Variants in SNX9 observed in about 807,000 individuals in gnomAD.
SNX9 encodes the protein sorting nexin-9.
In SNX9, 44 loss-of-function variants were observed where a neutral mutation model predicts 89.4. The ratio of observed to expected loss-of-function variants is 0.49; its 90% confidence interval spans 0.39 to 0.63. The LOEUF (loss-of-function observed/expected upper bound fraction) is 0.63. SNX9 is among the 30% of genes least tolerant of loss of function. SNX9 has a pLI of 0.00. For synonymous variants in SNX9, 236 were observed against 247.8 expected (o/e 0.95, Z 0.45); for missense variants, 578 against 736.1 (o/e 0.79, Z 2.49).
At chr6:157,926,299 G>T (rs999148566) in intron 10 of SNX9, among the ~76,000 whole-genome samples, 2 of 152,124 alleles carry the variant, frequency 1.3e-5, no homozygotes, top group African/African-American at 4.8e-5. Context: ...GGCCTAGTTG[G>T]TCGTTAGGCA....
At chr6:157,921,748 T>G (rs1446435982) in intron 10 of SNX9, 87 bp downstream of exon 10, 1 of 1,424,472 alleles carries the variant, frequency 7.0e-7, no homozygotes, top group Non-Finnish European at 9.5e-7. Context: ...GTTAAAATTA[T>G]GTTGGTTAGT....
chr6:157,862,248 C>T (rs953879170), intron 1 of SNX9, among the ~76,000 whole-genome samples: 4 of 152,140 alleles, frequency 2.6e-5, no homozygotes, highest in Non-Finnish European at 5.9e-5. Context: ...ATGTTAATAG[C>T]ATAATAATGC....
intron 9 of SNX9, among the ~76,000 whole-genome samples, chr6:157,917,814 GA>G (rs1361065995): frequency 9.9e-5 from 15 of 152,102 alleles, no homozygotes; most frequent in Admixed American, 2.0e-4. Context: ...ATTCATTACA[GA>G]AAAAAATTTT....
intron 16 of SNX9, among the ~76,000 whole-genome samples, chr6:157,939,743 G>T (rs1489158640): frequency 2.0e-5 from 3 of 152,180 alleles, no homozygotes; most frequent in Non-Finnish European, 4.4e-5. Context: ...TGGGGAGTTT[G>T]GTTTTGAACT....
In SNX9 at chr6:157,909,788, A is replaced by C; in HGVS notation, c.829A>C (p.Thr277Pro). 3 of 1,613,970 alleles carry C rather than the reference A, an allele frequency of 1.9e-6. No individual in the cohort carries two copies. The highest frequency in any genetic ancestry group is 2.5e-6 in the Non-Finnish European group (3 of 1,179,974). ...KSYIEYQLTP[T>P]NTNRSVNHRY... is the part of the protein sequence containing the mutation. ...CTACATCGAATATCAGCTAACACCT[A>C]CTGTAAGTATCCACGTTATCAAAAG... is the stretch of plus-strand genomic sequence containing the variant. Residue 277 changes from threonine to proline, a missense_variant and splice_region_variant, in exon 8 of 18, where the codon ACT (threonine) becomes CCT (proline). Physicochemically the swap from Thr to Pro is conservative, Grantham distance 38 (BLOSUM62 -1). Coordinates refer to ENST00000392185, the MANE Select transcript of SNX9 (RefSeq NM_016224.5).
intron 4 of SNX9, among the ~76,000 whole-genome samples, chr6:157,890,843 T>C (rs903445710): frequency 6.6e-6 from 1 of 152,106 alleles, no homozygotes; most frequent in Admixed American, 6.6e-5. Context: ...ACGAATTTCA[T>C]AGTGAATAAT....
intron 1 of SNX9, among the ~76,000 whole-genome samples, chr6:157,838,616 T>A (rs1315607251): frequency 1.3e-5 from 2 of 152,192 alleles, no homozygotes; most frequent in African/African-American, 4.8e-5. Context: ...AAATTTTATG[T>A]AGAAGTGCTA....
At chr6:157,938,551 G>C (rs1398183363) in intron 15 of SNX9, 82 bp from the exon 16 acceptor site, 2 of 883,820 alleles carry the variant, frequency 2.3e-6, no homozygotes, top group Non-Finnish European at 3.6e-6. Flanking sequence ...ATCAGTTATA[G>C]AATATATTAG....
At chr6:157,915,623 TAAAA>T (rs1172699831) in intron 9 of SNX9, among the ~76,000 whole-genome samples, 13 of 71,260 alleles carry the variant, frequency 1.8e-4, no homozygotes, top group African/African-American at 9.0e-4. Flanking sequence ...CCATCTCTAC[TAAAA>T]AAAAAAAAAA....
At chr6:157,900,300 T>C (rs1783068987) in intron 5 of SNX9, among the ~76,000 whole-genome samples, 1 of 152,226 alleles carries the variant, frequency 6.6e-6, no homozygotes, top group African/African-American at 2.4e-5. Flanking sequence ...TTTGTCCATT[T>C]TTTAATTGAG....
In SNX9 at chr6:157,823,388, G is replaced by A. The variant is rs1482967479; in HGVS notation, c.-47G>A. 3.9e-6 allele frequency: 5 copies of A among 1,272,274 alleles called. No individual in the cohort carries two copies. The highest frequency in any genetic ancestry group is 5.0e-6 in the Non-Finnish European group (5 of 1,001,494). 78.8% of individuals were successfully genotyped at this position (1,272,274 alleles called of 1,614,324 possible). ...TGCGCGGCTCAGAATCACCATCCGC[G>A]GCGCGGGAGACGAGCCGGCCGTCCC... On this transcript the variant is annotated 5_prime_UTR_variant, in exon 1 of 18. Transcript: ENST00000392185. This position sits in a 1 kb window ranked among gnomAD's most constrained non-coding sequence, Gnocchi z 4.6.
At position 157,936,000 on chromosome 6, in the gene SNX9, G is replaced by A. The variant is rs764808310; in HGVS notation, c.1403G>A (p.Gly468Glu). 1 of 1,612,720 alleles carries A rather than the reference G, an allele frequency of 6.2e-7. No homozygotes were observed. The highest frequency in any genetic ancestry group is 8.5e-7 in the Non-Finnish European group (1 of 1,179,312). ...CTCAATGATGCAATAACAGAAGCAG[G>A]AAAGACTTATGAAGAAATTGCCAGT... is the stretch of plus-strand genomic sequence containing the variant. ...TDLNDAITEAGKTYEEIASLV... is the reference protein window; with the variant it reads ...TDLNDAITEAEKTYEEIASLV... The change falls in exon 14 of 18, where the codon GGA becomes GAA. Residue 468 changes from glycine (G) to glutamate (E), a missense_variant. Transcript: ENST00000392185.
intron 2 of SNX9, among the ~76,000 whole-genome samples, chr6:157,871,773 CTTTTTTTTTTT>C (rs750179923): frequency 8.2e-6 from 1 of 122,218 alleles, no homozygotes; most frequent in African/African-American, 3.2e-5. Flanking sequence ...TCAGTCTTAC[CTTTTTTTTTTT>C]TTTTTTTTTG....
At chr6:157,928,253 G>A (rs1406102472) in intron 11 of SNX9, among the ~76,000 whole-genome samples, 1 of 152,236 alleles carries the variant, frequency 6.6e-6, no homozygotes, top group East Asian at 1.9e-4. Context: ...TGGCCAGCTA[G>A]CATTAGCAAC....
chr6:157,854,629 T>C (rs749978491), intron 1 of SNX9, among the ~76,000 whole-genome samples: 1 of 152,258 alleles, frequency 6.6e-6, no homozygotes, highest in Non-Finnish European at 1.5e-5. Flanking sequence ...AAACTGTTCC[T>C]TTTTAACTTC....
intron 1 of SNX9, among the ~76,000 whole-genome samples, chr6:157,866,775 C>T (rs1181619759): frequency 6.6e-6 from 1 of 152,048 alleles, no homozygotes; most frequent in Non-Finnish European, 1.5e-5. Context: ...ATTTTAATAG[C>T]AAGCGATTCT....
At chr6:157,849,742 A>G (rs904251245) in intron 1 of SNX9, among the ~76,000 whole-genome samples, 1 of 152,094 alleles carries the variant, frequency 6.6e-6, no homozygotes, top group Non-Finnish European at 1.5e-5. Context: ...GGGTGAGTGG[A>G]TAGGAGAAGT....
intron 1 of SNX9, among the ~76,000 whole-genome samples, chr6:157,844,255 G>A (rs113277153): frequency 6.6e-6 from 1 of 152,138 alleles, no homozygotes. Context: ...GCAGGAGACC[G>A]GAGTTTTATT....
At chr6:157,829,753 T>C (rs572940571) in intron 1 of SNX9, among the ~76,000 whole-genome samples, 5 of 152,346 alleles carry the variant, frequency 3.3e-5, no homozygotes, top group African/African-American at 4.8e-5. Flanking sequence ...TTAATGTGAT[T>C]TCACTAGCTT....
Sources: gnomAD v4.1 joint callset for allele counts (sites outside exome capture counted in the v4.1 genomes callset) on GRCh38, gnomAD v4.1.1 for gene constraint, Gnocchi (gnomAD v3.1) non-coding constraint, MANE v1.5 for transcripts, NCBI Gene and HGNC (gene_info 2026-07-23, HGNC 2026-07-21) for gene names.